Variants in GLUD1 observed in about 807,000 individuals in gnomAD.
The protein encoded by GLUD1 is glutamate dehydrogenase 1, mitochondrial.
A neutral mutation model predicts 56.0 loss-of-function variants in GLUD1; 22 were observed. That is an observed-to-expected ratio of 0.39 (90% CI 0.28 to 0.56). The LOEUF (loss-of-function observed/expected upper bound fraction) is 0.56, where lower values mean the gene tolerates loss of function less well. Among genes scored for constraint, GLUD1 ranks in the 20% least tolerant of loss-of-function variants. GLUD1 has a pLI of 0.58. For missense variants in GLUD1, 451 were observed against 732.0 expected (o/e 0.62, Z 4.43); for synonymous variants, 223 against 269.9 (o/e 0.83, Z 1.70).
Position 87,094,801 on chromosome 10 carries a change from C to A in GLUD1, c.-32G>T, listed in dbSNP as rs1841689005. On this transcript the variant is annotated 5_prime_UTR_variant, in exon 1 of 13. Transcript: ENST00000277865. The surrounding 1 kb of genome is among the most constrained non-coding windows in gnomAD (Gnocchi z 6.6). Reference sequence around the variant, plus strand: ...AAGCGGAGGGGAGGTGCGTGATGGTCGCGAAACAGGCGCGCTTTCTCAGAC... The same window carrying A: ...AAGCGGAGGGGAGGTGCGTGATGGTAGCGAAACAGGCGCGCTTTCTCAGAC... 4.0e-6 allele frequency: 6 copies of A among 1,502,374 alleles called. No individual in the cohort carries two copies. The highest frequency in any genetic ancestry group is 2.4e-5 in the South Asian group (2 of 84,828). 93.1% of individuals were successfully genotyped at this position (1,502,374 alleles called of 1,614,324 possible). A position where few individuals can be genotyped will look rare whatever the true frequency, so the allele number is the denominator to read the frequency against.
At chr10:87,052,763 A>C (rs1352223326) in intron 12 of GLUD1, among the ~76,000 whole-genome samples, 1 of 152,030 alleles carries the variant, frequency 6.6e-6, no homozygotes, top group Non-Finnish European at 1.5e-5. Flanking sequence ...AGGATGCCGA[A>C]TTTAATACTT....
chr10:87,081,946 CAAAAAAAA>C (rs71019464), intron 1 of GLUD1, among the ~76,000 whole-genome samples: 2 of 85,668 alleles, frequency 2.3e-5, no homozygotes, highest in Non-Finnish European at 2.5e-5. Context: ...ATGATCAATA[CAAAAAAAA>C]AAAAAAAAAG....
At chr10:87,052,269 T>G (rs1002365373) in intron 12 of GLUD1, among the ~76,000 whole-genome samples, 1 of 152,074 alleles carries the variant, frequency 6.6e-6, no homozygotes, top group Admixed American at 6.6e-5. Context: ...GGTGGATCAC[T>G]TGAGGTCAGG....
chr10:87,069,647 G>GT (rs376229382), intron 4 of GLUD1, among the ~76,000 whole-genome samples: 12 of 151,766 alleles, frequency 7.9e-5, no homozygotes, highest in African/African-American at 2.4e-4. Context: ...ATATTGTAAT[G>GT]TTTTTCTATA....
At position 87,050,495 on chromosome 10, in the gene GLUD1, A is replaced by G. The variant is rs1845604066; in HGVS notation, c.*1256T>C. 1 of 152,132 alleles carries G rather than the reference A, an allele frequency of 6.6e-6. No individual in the cohort carries two copies. The highest frequency in any genetic ancestry group is 6.6e-5 in the Admixed American group (1 of 15,258). 9.4% of individuals were successfully genotyped at this position (152,132 alleles called of 1,614,324 possible). On this transcript the variant is annotated 3_prime_UTR_variant, in exon 13 of 13. Transcript: ENST00000277865. ...AGAAAAGAAACGTAAGTTTTGGAAA[A>G]CGTAGACTTTTAATAACTGCTTTTA... is the stretch of plus-strand genomic sequence containing the variant.
chr10:87,075,977 C>A lies in GLUD1; in HGVS notation c.573G>T (p.Lys191Asn). 6.3e-7 allele frequency: 1 copy of A among 1,588,494 alleles called. No homozygotes were observed. The highest frequency in any genetic ancestry group is 8.6e-7 in the Non-Finnish European group (1 of 1,160,486). Residue 191 changes from lysine (K) to asparagine (N), a missense_variant, in exon 3 of 13, where the codon AAG becomes AAT. Transcript: ENST00000277865. ...GAKAGVKINP[K>N]NYTDNELEKI... The stretch of plus-strand genomic sequence containing the variant: ...TCACTTTCATACTTACAGTATAGTT[C>A]TTGGGATTGATCTTAACACCAGCTT...
At chr10:87,071,704 A>G (rs561646479) in intron 4 of GLUD1, among the ~76,000 whole-genome samples, 1 of 152,302 alleles carries the variant, frequency 6.6e-6, no homozygotes, top group East Asian at 1.9e-4. Context: ...TGACCTTTCA[A>G]AAGCTTTTCC....
intron 1 of GLUD1, among the ~76,000 whole-genome samples, chr10:87,085,102 T>C (rs1841350224): frequency 6.6e-6 from 1 of 151,800 alleles, no homozygotes; most frequent in Non-Finnish European, 1.5e-5. Flanking sequence ...CCCAGCACTT[T>C]GGGAGGCTGA....
chr10:87,051,539 G>T lies in GLUD1; in HGVS notation c.*212C>A. 3.1e-6 allele frequency: 2 copies of T among 650,796 alleles called. No homozygotes were observed. The allele number at this position is 650,796 out of a possible 1,614,324, so 40.3% of individuals were successfully genotyped here. ...AATACCAAAATGGCTCTCTGGTGTA[G>T]GTGATTTCTACTTTCACACTCAGCT... On this transcript the variant is annotated 3_prime_UTR_variant, in exon 13 of 13. Coordinates refer to ENST00000277865, the MANE Select transcript of GLUD1 (RefSeq NM_005271.5).
At position 87,053,415 on chromosome 10, in the gene GLUD1, A is replaced by G; in HGVS notation, c.1495-11T>C. 1 of 1,581,838 alleles carries G rather than the reference A, an allele frequency of 6.3e-7. No homozygotes were observed. The highest frequency in any genetic ancestry group is 8.7e-7 in the Non-Finnish European group (1 of 1,150,642). The stretch of plus-strand genomic sequence containing the variant: ...TTTCTCAGATGCACCCTATTAGGGA[A>G]AAGAACACAAGTTTAACAAAACCAC... On this transcript the variant is annotated splice_polypyrimidine_tract_variant and intron_variant, in intron 11 of 12. Coordinates refer to ENST00000277865, the MANE Select transcript of GLUD1 (RefSeq NM_005271.5).
Position 87,063,871 on chromosome 10 carries a change from CCT to C in GLUD1, c.742-1038_742-1037del, listed in dbSNP as rs949043340. On this transcript the variant is annotated intron_variant, in intron 5 of 12. Coordinates refer to ENST00000277865, the MANE Select transcript of GLUD1 (RefSeq NM_005271.5). ...CAGTCTTCACCATCCATCTTTCTGT[CCT>C]CTTTCTTTGTCTTTTTTTTTTTTGA... is the stretch of plus-strand genomic sequence containing the variant. Among the ~76,000 whole-genome samples, 3 of 151,876 alleles carry C rather than the reference CCT, an allele frequency of 2.0e-5. No homozygotes were observed. The East Asian group carries it at 5.8e-4, about 30-fold the overall frequency.
chr10:87,069,568 ATAAT>A (rs1397796915), intron 4 of GLUD1, among the ~76,000 whole-genome samples: 1 of 78,306 alleles, frequency 1.3e-5, no homozygotes, highest in Non-Finnish European at 2.4e-5. Flanking sequence ...TCCCCATAAA[ATAAT>A]TAAAGTTCTA....
At chr10:87,093,681 A>G (rs1338900652) in intron 1 of GLUD1, among the ~76,000 whole-genome samples, 1 of 152,232 alleles carries the variant, frequency 6.6e-6, no homozygotes, top group African/African-American at 2.4e-5. Flanking sequence ...TGTCAGAGAT[A>G]TTACATTGCT....
rs1403533717 is a variant in GLUD1 at position 87,094,488 on chromosome 10, G to C, written c.282C>G (p.Ser94Arg). Residue 94 changes from serine to arginine, a missense_variant, in exon 1 of 13, where the codon AGC becomes AGG. Coordinates refer to ENST00000277865, the MANE Select transcript of GLUD1 (RefSeq NM_005271.5). The surrounding 1 kb of genome is among the most constrained non-coding windows in gnomAD (Gnocchi z 6.6). ...KLVEDLRTRE[S>R]EEQKRNRVRG... ...GCACCCGGTTCCGCTTCTGCTCCTC[G>C]CTCTCCCGGGTCCTCAGGTCCTCCA... 6.2e-7 allele frequency: 1 copy of C among 1,613,620 alleles called. No individual in the cohort carries two copies. The highest frequency in any genetic ancestry group is 1.3e-5 in the African/African-American group (1 of 75,042).
chr10:87,067,859 T>C (rs1345968232), intron 5 of GLUD1: 3 of 553,240 alleles, frequency 5.4e-6, no homozygotes, highest in Non-Finnish European at 1.0e-5. Context: ...CAGTGACAAG[T>C]ATAGGGCAGC....
chr10:87,083,671 A>C (rs1841316474), intron 1 of GLUD1, among the ~76,000 whole-genome samples: 1 of 152,224 alleles, frequency 6.6e-6, no homozygotes, highest in Non-Finnish European at 1.5e-5. Context: ...GGAGGAAAGT[A>C]AATTATATTT....
rs796462596 is a variant in GLUD1, at chr10:87,088,817, T to C, written c.445+5508A>G. Reference sequence around the variant, plus strand: ...TTTCTTAGTTTTTAATGAAGAAAACTAAGAAAGTAATTTCAAAATTATTCA... The same window carrying C: ...TTTCTTAGTTTTTAATGAAGAAAACCAAGAAAGTAATTTCAAAATTATTCA... On this transcript the variant is annotated intron_variant, in intron 1 of 12. Coordinates refer to ENST00000277865, the MANE Select transcript of GLUD1 (RefSeq NM_005271.5). Among the ~76,000 whole-genome samples the C allele has an allele frequency of 5.3e-5, 8 of 152,274 alleles. No individual in the cohort carries two copies. The South Asian group carries it at 6.2e-4, about 12-fold the overall frequency.
intron 11 of GLUD1, among the ~76,000 whole-genome samples, chr10:87,054,647 T>C (rs563059555): frequency 3.9e-5 from 6 of 152,242 alleles, no homozygotes; most frequent in South Asian, 2.1e-4. Context: ...AGGCTGAGTA[T>C]ATACAACTCT....
chr10:87,051,571 T>C lies in GLUD1; in HGVS notation c.*180A>G. The stretch of plus-strand genomic sequence containing the variant: ...TCTACTTTCACACTCAGCTTGTACA[T>C]GATCCGCTAACCTTAATTTCTTTCT... On this transcript the variant is annotated 3_prime_UTR_variant, in exon 13 of 13. Transcript: ENST00000277865. The C allele has an allele frequency of 1.3e-6, 1 of 758,182 alleles. No homozygotes were observed. The highest frequency in any genetic ancestry group is 2.4e-6 in the Non-Finnish European group (1 of 422,204). The allele number at this position is 758,182 out of a possible 1,614,324, so 47.0% of individuals were successfully genotyped here. A position where few individuals can be genotyped will look rare whatever the true frequency, so the allele number is the denominator to read the frequency against.
Sources: allele counts gnomAD v4.1 joint callset (sites outside exome capture counted in the v4.1 genomes callset), GRCh38; gene constraint gnomAD v4.1.1; non-coding constraint Gnocchi (gnomAD v3.1); transcripts MANE v1.5; gene names NCBI Gene and HGNC (gene_info 2026-07-23, HGNC 2026-07-21).